FUS: variants seen among roughly 807,000 people sequenced by gnomAD.
The protein encoded by FUS is RNA-binding protein FUS.
Under a neutral mutation model 82.7 loss-of-function variants are expected in FUS, and 5 were observed. That is an observed-to-expected ratio of 0.06 (90% CI 0.03 to 0.13). The LOEUF (loss-of-function observed/expected upper bound fraction) is 0.13. FUS is among the 10% of genes least tolerant of loss of function. FUS has a pLI of 1.00. For missense variants in FUS, 512 were observed against 707.8 expected, an observed-to-expected ratio of 0.72 and a Z score of 3.14; for synonymous variants, 281 against 247.4, an observed-to-expected ratio of 1.14 and a Z score of -1.27.
In FUS at chr16:31,182,545, G is replaced by T. The variant is rs867096546; in HGVS notation, c.71G>T (p.Gly24Val). ...YGAYPTQPGQ[G>V]YSQQSSQPYG... The stretch of plus-strand genomic sequence containing the variant: ...GCCTACCCCACCCAGCCCGGGCAGG[G>T]CTATTCCCAGCAGAGCAGTCAGCCC... Residue 24 changes from glycine to valine, a missense_variant, in exon 3 of 15, where the codon GGC becomes GTC. Physicochemically the swap from Gly to Val is moderately radical, Grantham distance 109. Transcript: ENST00000254108. 6.2e-7 allele frequency: 1 copy of T among 1,614,008 alleles called. No individual in the cohort carries two copies. Among genetic ancestry groups the T allele is most frequent in the African/African-American group, 1.3e-5 (1 of 74,936 alleles).
At chr16:31,193,262 T>G (rs768925185), downstream of FUS, 15 of 509,284 alleles carry the variant, frequency 2.9e-5, no homozygotes, top group South Asian at 2.3e-4. Flanking sequence ...ATTGGGGTGC[T>G]CTCTAAGCAA....
intron 1 of FUS, among the ~76,000 whole-genome samples, chr16:31,180,830 C>T (rs777273257): frequency 6.6e-6 from 1 of 152,314 alleles, no homozygotes; most frequent in Non-Finnish European, 1.5e-5. Flanking sequence ...CGGGGCCGCC[C>T]TCTAGCTTAA....
At chr16:31,192,062 A>G, downstream of FUS, 1 of 532,804 alleles carries the variant, frequency 1.9e-6, no homozygotes, top group Non-Finnish European at 3.6e-6. Context: ...TGAGTGCTGC[A>G]GGAGTTTGTG....
At chr16:31,192,607 C>T (rs776261054), downstream of FUS, 1 of 489,648 alleles carries the variant, frequency 2.0e-6, no homozygotes. Context: ...GTCATCCAGG[C>T]TGGAGTGCAG....
At chr16:31,194,745 C>G (rs1183042071), downstream of FUS, 8 of 484,124 alleles carry the variant, frequency 1.7e-5, no homozygotes, top group Non-Finnish European at 2.9e-5. Context: ...ACATACAAAG[C>G]CACTCTTAGA....
In FUS at chr16:31,184,036, AAG is replaced by A. The variant is rs754809012; in HGVS notation, c.335+37_335+38del. ...GTGTTGATGTCGGGGAAGGCTTGAA[AAG>A]AGGGGTGAATTGATGAGGAATGATA... On this transcript the variant is annotated intron_variant, in intron 4 of 14. Transcript: ENST00000254108. 14 of 1,612,810 alleles carry A rather than the reference AAG, an allele frequency of 8.7e-6. No homozygotes were observed. In the African/African-American group the frequency reaches 9.4e-5, roughly 11 times the overall value.
chr16:31,182,890 G>GT (rs1172031027), intron 3 of FUS: 1 of 529,148 alleles, frequency 1.9e-6, no homozygotes, highest in East Asian at 3.5e-5. Context: ...CTAATTTTGT[G>GT]TTTTTAGTAG....
At chr16:31,185,583 G>GCCT in intron 6 of FUS, 1 of 529,038 alleles carries the variant, frequency 1.9e-6, no homozygotes, top group Non-Finnish European at 3.7e-6. Context: ...GTGTCCTCTA[G>GCCT]GGAGTTGGTA....
intron 1 of FUS, among the ~76,000 whole-genome samples, chr16:31,181,350 G>T (rs1040618108): frequency 2.6e-5 from 4 of 152,204 alleles, no homozygotes; most frequent in African/African-American, 4.8e-5. Flanking sequence ...GATCTTGTTC[G>T]TGTATCTTAA....
chr16:31,180,587 C>T (rs912382255), intron 1 of FUS, among the ~76,000 whole-genome samples: 1 of 152,244 alleles, frequency 6.6e-6, no homozygotes, highest in Admixed American at 6.5e-5. Flanking sequence ...TGTCGCAGTG[C>T]TGCATCCGGG....
chr16:31,190,864 C>T (rs764462349), intron 13 of FUS, 22 bp downstream of exon 13: 7 of 1,613,254 alleles, frequency 4.3e-6, no homozygotes, highest in South Asian at 1.1e-5. Flanking sequence ...AGACCTGGTG[C>T]TAGGGAGCTG....
chr16:31,187,233 G>A (rs1346970011), intron 7 of FUS: 1 of 326,446 alleles, frequency 3.1e-6, no homozygotes, highest in African/African-American at 2.0e-5. Context: ...GTGAGTGTGT[G>A]GGAGACAACT....
rs1427301192 is a variant in FUS at position 31,183,874 on chromosome 16, G to A, written c.207G>A (p.Gln69=). Residue 69 remains glutamine (Q), a synonymous_variant, in exon 4 of 15, where the codon CAG becomes CAA. Coordinates refer to ENST00000254108, the MANE Select transcript of FUS (RefSeq NM_004960.4). The part of the protein sequence containing the change: ...GQSQNTGYGT[Q]STPQGYGSTG... ...TCCTGGTAGCAGGCTATGGAACTCAGTCAACTCCCCAGGGATATGGCTCGA... is the reference window on the plus strand; with the variant it reads ...TCCTGGTAGCAGGCTATGGAACTCAATCAACTCCCCAGGGATATGGCTCGA... 2 of 1,614,062 alleles carry A rather than the reference G, an allele frequency of 1.2e-6. No homozygotes were observed. The highest frequency in any genetic ancestry group is 1.7e-6 in the Non-Finnish European group (2 of 1,180,044).
chr16:31,186,501 A>G (rs1483886900), intron 6 of FUS: 1 of 487,240 alleles, frequency 2.1e-6, no homozygotes, highest in African/African-American at 1.9e-5. Context: ...AGGAAAAAAA[A>G]ACATCTGCTC....
intron 1 of FUS, 127 bp downstream of exon 1, chr16:31,180,354 G>T: frequency 7.9e-7 from 1 of 1,258,916 alleles, no homozygotes; most frequent in Non-Finnish European, 1.1e-6. Flanking sequence ...GTGGCGGGAA[G>T]CCGCGGAGAA....
chr16:31,190,409 C>G lies in FUS; in HGVS notation c.1292+11C>G. ...GAAGTGTCCTAATCCGTGAGTGAAACTTAATTTTTTTCTTAGTTCTCTTGC... is the reference window on the plus strand; with the variant it reads ...GAAGTGTCCTAATCCGTGAGTGAAAGTTAATTTTTTTCTTAGTTCTCTTGC... On this transcript the variant is annotated intron_variant, in intron 12 of 14. Coordinates refer to ENST00000254108, the MANE Select transcript of FUS (RefSeq NM_004960.4). 1.2e-6 allele frequency: 2 copies of G among 1,614,108 alleles called. No individual in the cohort carries two copies. Among genetic ancestry groups the G allele is most frequent in the Non-Finnish European group, 1.7e-6 (2 of 1,180,012 alleles).
At position 31,182,608 on chromosome 16, in the gene FUS, C is replaced by T. The variant is rs776850144; in HGVS notation, c.134C>T (p.Thr45Met). Reference protein sequence around the residue: ...QQSYSGYSQSTDTSGYGQSSY... With the variant: ...QQSYSGYSQSMDTSGYGQSSY... ...AGTTACAGTGGTTATAGCCAGTCCA[C>T]GGACACTTCAGGCTATGGCCAGAGC... Residue 45 changes from threonine to methionine, a missense_variant, in exon 3 of 15, where the codon ACG becomes ATG. Physicochemically the swap from Thr to Met is moderately conservative, Grantham distance 81 (BLOSUM62 -1). Around this residue, in one of 6 missense-constraint regions of FUS, gnomAD observed 276 missense variants for 303.3 expected, o/e 0.91. Coordinates refer to ENST00000254108, the MANE Select transcript of FUS (RefSeq NM_004960.4). 2.5e-6 allele frequency: 4 copies of T among 1,614,090 alleles called. No homozygotes were observed. The highest frequency in any genetic ancestry group is 1.1e-5 in the South Asian group (1 of 91,088).
chr16:31,190,344 G>T lies in FUS; in HGVS notation c.1238G>T (p.Gly413Val), dbSNP rs749826632. ...GGTGGCCGAGGAGGATTTCCCAGTG[G>T]AGGTGGTGGCGGTGGAGGACAGCAG... ...GGGGRGGFPS[G>V]GGGGGGQQRA... is the part of the protein sequence containing the mutation. Residue 413 changes from glycine to valine, a missense_variant, in exon 12 of 15, where the codon GGA (glycine) becomes GTA (valine). Physicochemically the swap from Gly to Val is moderately radical, Grantham distance 109. This residue lies in a region of FUS where 63 missense variants were observed against 83.0 expected (regional missense o/e 0.76). Transcript: ENST00000254108. The T allele has an allele frequency of 7.4e-6, 12 of 1,614,098 alleles. No individual in the cohort carries two copies. Among genetic ancestry groups the T allele is most frequent in the Admixed American group, 1.7e-5 (1 of 60,002 alleles).
chr16:31,192,486 A>C, downstream of FUS: 1 of 516,778 alleles, frequency 1.9e-6, no homozygotes, highest in Non-Finnish European at 3.8e-6. Flanking sequence ...CTTGGTTTGT[A>C]AGACAGCTGC....
Sources: gnomAD v4.1 joint callset for allele counts (sites outside exome capture counted in the v4.1 genomes callset) on GRCh38, gnomAD v4.1.1 for gene constraint, gnomAD v4.1.1 regional missense constraint, MANE v1.5 for transcripts, NCBI Gene and HGNC (gene_info 2026-07-23, HGNC 2026-07-21) for gene names.